The following RNF13 variants were observed in gnomAD, a reference collection of about 807,000 sequenced individuals.
The protein encoded by RNF13 is ring finger protein 13.
Under a neutral mutation model 37.7 loss-of-function variants are expected in RNF13, and 19 were observed. That is an observed-to-expected ratio of 0.50 (90% CI 0.35 to 0.74). The LOEUF is 0.74. Ranked by LOEUF, RNF13 falls within the 30% of genes least tolerant of loss-of-function variation. The pLI, the probability that RNF13 is intolerant of heterozygous loss-of-function variation, is 0.01. For missense variants in RNF13, 375 were observed against 453.0 expected (o/e 0.83, Z 1.56); for synonymous variants, 144 against 157.8 (o/e 0.91, Z 0.65).
rs769631259 is a variant in RNF13 at position 149,961,146 on chromosome 3, G to C, written c.*42G>C. 24 of 1,510,964 alleles carry C rather than the reference G, an allele frequency of 1.6e-5. No individual in the cohort carries two copies. Among genetic ancestry groups the C allele is most frequent in the Admixed American group, 6.3e-5 (3 of 47,410 alleles). The allele number at this position is 1,510,964 out of a possible 1,614,324, so 93.6% of individuals were successfully genotyped here. A position where few individuals can be genotyped will look rare whatever the true frequency, so the allele number is the denominator to read the frequency against. On this transcript the variant is annotated 3_prime_UTR_variant, in exon 10 of 10. Coordinates refer to ENST00000392894, the MANE Select transcript of RNF13 (RefSeq NM_183381.3). Reference sequence around the variant, plus strand: ...GGTTTATTTCCCTTTAAAATGATTAGGTATATACTGTAATTTGATTTTTTG... The same window carrying C: ...GGTTTATTTCCCTTTAAAATGATTACGTATATACTGTAATTTGATTTTTTG...
intron 8 of RNF13, among the ~76,000 whole-genome samples, chr3:149,923,699 G>A (rs765132077): frequency 6.7e-6 from 1 of 148,796 alleles, no homozygotes; most frequent in Non-Finnish European, 1.5e-5. Context: ...CCGGGAGGCA[G>A]AGGTTGCAGT....
intron 7 of RNF13, among the ~76,000 whole-genome samples, chr3:149,914,278 C>T (rs1318797718): frequency 1.3e-5 from 2 of 151,874 alleles, no homozygotes; most frequent in Non-Finnish European, 2.9e-5. Context: ...CTTGTCCCAG[C>T]CCTAGCATCA....
intron 1 of RNF13, among the ~76,000 whole-genome samples, chr3:149,841,991 T>G (rs1440604465): frequency 1.3e-5 from 2 of 152,200 alleles, no homozygotes; most frequent in Non-Finnish European, 2.9e-5. Context: ...CATTTACTTC[T>G]GTTGACCAAT....
chr3:149,816,872 C>T (rs966878101), intron 1 of RNF13, among the ~76,000 whole-genome samples: 6 of 152,116 alleles, frequency 3.9e-5, no homozygotes, highest in African/African-American at 1.4e-4. Flanking sequence ...AAGTGATGAT[C>T]GTAGTGAAGG....
intron 8 of RNF13, among the ~76,000 whole-genome samples, chr3:149,938,462 C>A (rs1001231880): frequency 1.3e-5 from 2 of 150,750 alleles, no homozygotes. Context: ...TATGAGCCAC[C>A]GTGCCTGGCC....
intron 7 of RNF13, among the ~76,000 whole-genome samples, chr3:149,913,205 T>A (rs1450730234): frequency 6.6e-6 from 1 of 152,160 alleles, no homozygotes; most frequent in East Asian, 1.9e-4. Flanking sequence ...ATTTTTTTCC[T>A]ATAAATGTTT....
In RNF13 at chr3:149,823,944, T is replaced by C. The variant is rs1405853194; in HGVS notation, c.-17+10591T>C. ...TGCTGTATATTCCTATAAACAACAA[T>C]ATTCTCTTTAAAGAAATGGCTGATT... On this transcript the variant is annotated intron_variant, in intron 1 of 9. Transcript: ENST00000392894. 2.0e-5 allele frequency among the ~76,000 whole-genome samples: 3 copies of C among 152,170 alleles called. No individual in the cohort carries two copies. In the East Asian group the frequency reaches 5.8e-4, roughly 29 times the overall value.
intron 3 of RNF13, among the ~76,000 whole-genome samples, chr3:149,853,646 A>T (rs1559908031): frequency 6.6e-6 from 1 of 150,710 alleles, no homozygotes; most frequent in African/African-American, 2.4e-5. Flanking sequence ...TTATCTTTTA[A>T]TTTTTTTTAA....
chr3:149,813,880 G>GCTTGA (rs1183393215), intron 1 of RNF13: 3 of 151,622 alleles, frequency 2.0e-5, no homozygotes, highest in Admixed American at 6.6e-5. Flanking sequence ...CTGCCTGTAT[G>GCTTGA]CTTGACTTGA....
At chr3:149,835,651 G>GTT (rs1454951127) in intron 1 of RNF13, among the ~76,000 whole-genome samples, 1 of 151,124 alleles carries the variant, frequency 6.6e-6, no homozygotes, top group Non-Finnish European at 1.5e-5. Flanking sequence ...GTGTGTGTGT[G>GTT]TGTGTGTGTG....
At chr3:149,884,116 G>A (rs1713738856) in intron 4 of RNF13, among the ~76,000 whole-genome samples, 1 of 152,052 alleles carries the variant, frequency 6.6e-6, no homozygotes. Context: ...GGGCATTTGG[G>A]TCAATTCCGT....
At chr3:149,829,141 A>C (rs1437196134) in intron 1 of RNF13, among the ~76,000 whole-genome samples, 1 of 152,084 alleles carries the variant, frequency 6.6e-6, no homozygotes, top group Non-Finnish European at 1.5e-5. Flanking sequence ...TTGCTTTGCC[A>C]CCCAGGCTGG....
Position 149,960,967 on chromosome 3 carries a change from G to C in RNF13, c.1009G>C (p.Glu337Gln), listed in dbSNP as rs1722347968. The C allele has an allele frequency of 6.2e-7, 1 of 1,614,208 alleles. No homozygotes were observed. ...SESRSHQNMT[E>Q]SSDYEEDDNE... Reference sequence around the variant, plus strand: ...ATCCCGCTCACATCAGAACATGACAGAATCTTCAGACTATGAGGAAGACGA... The same window carrying C: ...ATCCCGCTCACATCAGAACATGACACAATCTTCAGACTATGAGGAAGACGA... Residue 337 changes from glutamate to glutamine, a missense_variant, in exon 10 of 10, where the codon GAA becomes CAA. Transcript: ENST00000392894.
At chr3:149,861,225 G>A (rs1215285044) in intron 3 of RNF13, among the ~76,000 whole-genome samples, 1 of 151,750 alleles carries the variant, frequency 6.6e-6, no homozygotes, top group African/African-American at 2.4e-5. Flanking sequence ...AAACTTAAAA[G>A]GGGGTGGGGG....
chr3:149,936,116 G>C (rs1183450948), intron 8 of RNF13, among the ~76,000 whole-genome samples: 1 of 151,620 alleles, frequency 6.6e-6, no homozygotes, highest in East Asian at 1.9e-4. Context: ...AGATGAATTA[G>C]AGCTCTTTAT....
chr3:149,874,627 A>G (rs538355518), intron 4 of RNF13, among the ~76,000 whole-genome samples: 82 of 152,286 alleles, frequency 5.4e-4, no homozygotes, highest in African/African-American at 1.6e-3. Flanking sequence ...CAGAAATTAA[A>G]TTGTCTGGTA....
chr3:149,922,165 G>A (rs1364905608), intron 8 of RNF13, among the ~76,000 whole-genome samples: 5 of 152,058 alleles, frequency 3.3e-5, no homozygotes, highest in Non-Finnish European at 5.9e-5. Flanking sequence ...GTAGAGACGG[G>A]GTTTCACCAT....
chr3:149,864,463 A>G (rs1439121286), intron 3 of RNF13, among the ~76,000 whole-genome samples: 1 of 152,162 alleles, frequency 6.6e-6, no homozygotes, highest in Non-Finnish European at 1.5e-5. Context: ...AGCCTCAGGT[A>G]TTCCTTTATA....
At chr3:149,887,379 A>T (rs959562640) in intron 4 of RNF13, among the ~76,000 whole-genome samples, 1 of 152,216 alleles carries the variant, frequency 6.6e-6, no homozygotes, top group African/African-American at 2.4e-5. Context: ...ATCCAACAAC[A>T]GATGTTGATC....
Sources: gnomAD v4.1 joint callset for allele counts (sites outside exome capture counted in the v4.1 genomes callset) on GRCh38, gnomAD v4.1.1 for gene constraint, MANE v1.5 for transcripts, NCBI Gene and HGNC (gene_info 2026-07-23, HGNC 2026-07-21) for gene names.